ZXDC: variants seen among roughly 807,000 people sequenced by gnomAD.
ZXDC encodes the protein zinc finger protein ZXDC.
ZXDC carries 58 observed loss-of-function variants against 63.6 expected under a neutral mutation model. The ratio of observed to expected loss-of-function variants is 0.91; its 90% confidence interval spans 0.74 to 1.13. ZXDC has a LOEUF of 1.13. Among genes scored for constraint, ZXDC ranks in the 50% most tolerant of loss-of-function variants. ZXDC has a pLI of 0.00. For synonymous variants in ZXDC, 561 were observed against 496.1 expected, an observed-to-expected ratio of 1.13 and a Z score of -1.74; for missense variants, 1,133 against 1,148.9, an observed-to-expected ratio of 0.99 and a Z score of 0.20.
chr3:126,460,904 C>T (rs950195898), intron 6 of ZXDC: 2 of 985,282 alleles, frequency 2.0e-6, no homozygotes, highest in Admixed American at 6.1e-5. Flanking sequence ...AAAAAAATCC[C>T]TATCTGATCA....
intron 7 of ZXDC, chr3:126,450,527 G>T (rs530621416): frequency 4.4e-6 from 2 of 456,616 alleles, no homozygotes; most frequent in Middle Eastern, 3.3e-4. Context: ...ATGTGGCACA[G>T]GAGCCACATG....
intron 6 of ZXDC, 44 bp downstream of exon 6, chr3:126,461,491 G>A: frequency 1.3e-6 from 2 of 1,554,740 alleles, no homozygotes; most frequent in Non-Finnish European, 1.7e-6. Flanking sequence ...CCGAGTATGA[G>A]AGAAGTGACC....
intron 7 of ZXDC, chr3:126,458,579 A>T (rs1352113377): frequency 1.0e-6 from 1 of 984,984 alleles, no homozygotes; most frequent in Non-Finnish European, 1.2e-6. Flanking sequence ...ATATTTACAA[A>T]AACAGTAATG....
At chr3:126,474,828 A>G in intron 1 of ZXDC, 131 bp downstream of exon 1, 2 of 1,080,322 alleles carry the variant, frequency 1.9e-6, no homozygotes, top group South Asian at 3.3e-5. Flanking sequence ...GGAAGGAGCT[A>G]GAATACAAAT....
chr3:126,440,021 C>T, intron 8 of ZXDC: 1 of 1,267,056 alleles, frequency 7.9e-7, no homozygotes, highest in South Asian at 2.0e-5. Flanking sequence ...CCTCCTAAGG[C>T]ACGCTCCTCA....
chr3:126,443,022 G>C (rs1933742329), intron 7 of ZXDC: 1 of 152,164 alleles, frequency 6.6e-6, no homozygotes, highest in African/African-American at 2.4e-5. Flanking sequence ...CAGTGCCCTG[G>C]GTCCCGGAGA....
intron 7 of ZXDC, among the ~76,000 whole-genome samples, chr3:126,455,608 C>T (rs1259315860): frequency 6.6e-6 from 1 of 152,090 alleles, no homozygotes; most frequent in African/African-American, 2.4e-5. Flanking sequence ...CACAAGAATC[C>T]AACTGAAGGA....
At chr3:126,471,911 T>C (rs1934995207) in intron 3 of ZXDC, 62 bp downstream of exon 3, 1 of 1,378,448 alleles carries the variant, frequency 7.3e-7, no homozygotes, top group African/African-American at 1.5e-5. Context: ...TTCATTGGTT[T>C]CTGCTGCTGA....
chr3:126,462,650 T>C lies in ZXDC; in HGVS notation c.1442-430A>G, dbSNP rs1934603016. On this transcript the variant is annotated intron_variant, in intron 5 of 9. Coordinates refer to ENST00000389709, the MANE Select transcript of ZXDC (RefSeq NM_025112.5). ...CGGAGCTGCCCGAGAGGACTGAACCTTTCCACTCAGCTGCCAGTTGCTAGC... is the reference window on the plus strand; with the variant it reads ...CGGAGCTGCCCGAGAGGACTGAACCCTTCCACTCAGCTGCCAGTTGCTAGC... Among the ~76,000 whole-genome samples the C allele has an allele frequency of 1.3e-5, 2 of 152,178 alleles. 1 individual carries two copies. Among genetic ancestry groups the C allele is most frequent in the Non-Finnish European group, 2.9e-5 (2 of 68,038 alleles).
At chr3:126,440,336 C>A (rs1042475862) in intron 8 of ZXDC, 7 of 986,908 alleles carry the variant, frequency 7.1e-6, no homozygotes, top group Non-Finnish European at 7.2e-6. Flanking sequence ...ACCTCTCATT[C>A]CTTCTGTTTG....
intron 7 of ZXDC, among the ~76,000 whole-genome samples, chr3:126,446,171 T>C (rs1236460087): frequency 1.3e-5 from 2 of 152,228 alleles, no homozygotes; most frequent in African/African-American, 4.8e-5. Flanking sequence ...TCAATCATTA[T>C]CCAAAATGCT....
At chr3:126,438,544 C>T in intron 9 of ZXDC, 83 bp from the exon 10 acceptor site, 1 of 1,298,116 alleles carries the variant, frequency 7.7e-7, no homozygotes, top group Non-Finnish European at 1.1e-6. Context: ...AGGACACTGA[C>T]CAGGCCCGTG....
chr3:126,451,024 T>C lies in ZXDC; in HGVS notation c.2212+8629A>G, dbSNP rs372737656. On this transcript the variant is annotated intron_variant, in intron 7 of 9. Transcript: ENST00000389709. ...TCTAGCTCTCGTCCCCACTGTCCCA[T>C]GGAAAGGAAAGGGACTCAAGGCCAC... 11 of 514,708 alleles carry C rather than the reference T, an allele frequency of 2.1e-5. No individual in the cohort carries two copies. In the East Asian group the frequency reaches 1.5e-3, roughly 70 times the overall value. The allele number at this position is 514,708 out of a possible 1,614,324, so 31.9% of individuals were successfully genotyped here.
rs777723184 is a variant in ZXDC at position 126,441,873 on chromosome 3, G to C, written c.2286C>G (p.Asn762Lys). Residue 762 changes from asparagine to lysine, a missense_variant, in exon 8 of 10, where the codon AAC (asparagine) becomes AAG (lysine). Physicochemically the swap from Asn to Lys is moderately conservative, Grantham distance 94. Coordinates refer to ENST00000389709, the MANE Select transcript of ZXDC (RefSeq NM_025112.5). ...CCACGAGGCTCCCACACAACCAACTGTTCTGGCTTGCATGGAAATGGGGAG... is the reference window on the plus strand; with the variant it reads ...CCACGAGGCTCCCACACAACCAACTCTTCTGGCTTGCATGGAAATGGGGAG... Reference protein sequence around the residue: ...MSPPHFHASQNSWLCGSLVVP... With the variant: ...MSPPHFHASQKSWLCGSLVVP... The C allele has an allele frequency of 1.1e-5, 18 of 1,613,858 alleles. No individual in the cohort carries two copies. The highest frequency in any genetic ancestry group is 3.3e-4 in the Middle Eastern group (2 of 6,060).
Position 126,475,226 on chromosome 3 carries a change from C to T in ZXDC, c.640G>A (p.Gly214Ser). Residue 214 changes from glycine to serine, a missense_variant, in exon 1 of 10, where the codon GGC (glycine) becomes AGC (serine). Coordinates refer to ENST00000389709, the MANE Select transcript of ZXDC (RefSeq NM_025112.5). ...GACGTTGTGAAGGCCCAACCACAGC[C>T]CTCCAGTGGGCACTTGAAGGGCCGC... ...GRRPFKCPLE[G>S]CGWAFTTSYK... The T allele has an allele frequency of 6.4e-7, 1 of 1,570,628 alleles. No homozygotes were observed. Among genetic ancestry groups the T allele is most frequent in the Non-Finnish European group, 8.6e-7 (1 of 1,157,812 alleles).
At position 126,451,467 on chromosome 3, in the gene ZXDC, ATGTAAT is replaced by A. The variant is rs1447613343; in HGVS notation, c.2212+8180_2212+8185del. On this transcript the variant is annotated intron_variant, in intron 7 of 9. Transcript: ENST00000389709. ...GATTTCCTTGAGATAAATTCAAAAA[ATGTAAT>A]TGTAAGACTGAATATTATGCATATT... is the stretch of plus-strand genomic sequence containing the variant. 4 of 985,330 alleles carry A rather than the reference ATGTAAT, an allele frequency of 4.1e-6. No homozygotes were observed. In the African/African-American group the frequency reaches 7.0e-5, roughly 17 times the overall value. 61.0% of individuals were successfully genotyped at this position (985,330 alleles called of 1,614,324 possible).
chr3:126,454,429 T>A, intron 7 of ZXDC: 1 of 985,464 alleles, frequency 1.0e-6, no homozygotes, highest in Non-Finnish European at 1.2e-6. Flanking sequence ...CCATGCTTTT[T>A]CCTTGAATTC....
At chr3:126,451,817 G>A (rs1934113030) in intron 7 of ZXDC, 1 of 985,264 alleles carries the variant, frequency 1.0e-6, no homozygotes, top group Non-Finnish European at 1.2e-6. Context: ...TACACTCTGG[G>A]AAATGATTTA....
intron 8 of ZXDC, chr3:126,440,302 G>T (rs1056748561): frequency 6.9e-5 from 68 of 988,564 alleles, no homozygotes; most frequent in Non-Finnish European, 8.1e-5. Flanking sequence ...CCCCGAAGCG[G>T]AGCTCCTGGT....
Sources: allele counts gnomAD v4.1 joint callset (sites outside exome capture counted in the v4.1 genomes callset), GRCh38; gene constraint gnomAD v4.1.1; transcripts MANE v1.5; gene names NCBI Gene and HGNC (gene_info 2026-07-23, HGNC 2026-07-21).